The following MAGI2 variants were observed in gnomAD, a reference collection of about 807,000 sequenced individuals.
The protein encoded by MAGI2 is membrane associated guanylate kinase, WW and PDZ domain containing 2, also known as membrane-associated guanylate kinase, WW and PDZ domain-containing protein 2.
MAGI2 carries 35 observed loss-of-function variants against 133.3 expected under a neutral mutation model. The ratio of observed to expected loss-of-function variants is 0.26; its 90% CI spans 0.20 to 0.35. MAGI2 has a LOEUF of 0.35. MAGI2 is among the 10% of genes least tolerant of loss of function. The pLI, the probability that MAGI2 is intolerant of heterozygous loss-of-function variation, is 1.00. For synonymous variants in MAGI2, 729 were observed against 710.6 expected (o/e 1.03, Z -0.41); for missense variants, 1,636 against 1,863.4 (o/e 0.88, Z 2.25).
At chr7:78,647,938 T>A (rs1470375194) in intron 2 of MAGI2, among the ~76,000 whole-genome samples, 1 of 151,490 alleles carries the variant, frequency 6.6e-6, no homozygotes, top group Non-Finnish European at 1.5e-5. Context: ...CAAGTGGGAG[T>A]TGAACAATGA....
intron 11 of MAGI2, among the ~76,000 whole-genome samples, chr7:78,196,872 T>G (rs927603136): frequency 6.6e-6 from 1 of 152,238 alleles, no homozygotes. Context: ...TCTAGTTCAA[T>G]TTCCTCCTGT....
At chr7:79,166,960 T>C (rs1824985105) in intron 1 of MAGI2, among the ~76,000 whole-genome samples, 1 of 152,034 alleles carries the variant, frequency 6.6e-6, no homozygotes, top group Non-Finnish European at 1.5e-5. Context: ...TTTTTTTGAA[T>C]CTCAGAGTCC....
intron 2 of MAGI2, among the ~76,000 whole-genome samples, chr7:78,756,484 T>C (rs1183344341): frequency 6.6e-6 from 1 of 152,170 alleles, no homozygotes; most frequent in African/African-American, 2.4e-5. Context: ...AACAGCAGCA[T>C]TTGCCATTTT....
chr7:78,395,375 C>T (rs1796249079), intron 6 of MAGI2, among the ~76,000 whole-genome samples: 1 of 152,148 alleles, frequency 6.6e-6, no homozygotes, highest in Non-Finnish European at 1.5e-5. Flanking sequence ...AGCTGTAGCT[C>T]ATGGTTACTG....
intron 1 of MAGI2, among the ~76,000 whole-genome samples, chr7:79,324,493 T>C (rs10252912): frequency 5.3e-5 from 5 of 95,050 alleles, no homozygotes; most frequent in African/African-American, 2.8e-4. Context: ...TACATATATA[T>C]ACATATATAC....
chr7:79,293,287 C>A (rs151196736), intron 1 of MAGI2, among the ~76,000 whole-genome samples: 1 of 152,172 alleles, frequency 6.6e-6, no homozygotes, highest in African/African-American at 2.4e-5. Flanking sequence ...AATCTTTATT[C>A]CCTTCTTTCA....
At chr7:78,474,583 C>T (rs1192268915) in intron 6 of MAGI2, among the ~76,000 whole-genome samples, 2 of 151,780 alleles carry the variant, frequency 1.3e-5, no homozygotes, top group South Asian at 2.1e-4. Flanking sequence ...TTAAATAAAC[C>T]TCAAACAAGC....
At chr7:78,434,299 A>G (rs1010309208) in intron 6 of MAGI2, among the ~76,000 whole-genome samples, 5 of 152,208 alleles carry the variant, frequency 3.3e-5, no homozygotes, top group African/African-American at 7.2e-5. Flanking sequence ...AAAGGTCTTT[A>G]TGGAGGAAAA....
At chr7:79,297,119 C>G (rs1464451817) in intron 1 of MAGI2, among the ~76,000 whole-genome samples, 1 of 152,160 alleles carries the variant, frequency 6.6e-6, no homozygotes, top group South Asian at 2.1e-4. Context: ...GAAGAGCAAT[C>G]AAGTTTGCAC....
chr7:78,955,721 T>TTCTC (rs1298892022), intron 2 of MAGI2, among the ~76,000 whole-genome samples: 31 of 100,208 alleles, frequency 3.1e-4, no homozygotes, highest in Non-Finnish European at 4.2e-4. Context: ...TTTTCTTTCT[T>TTCTC]TCTCTTTCTT....
At chr7:79,262,685 T>A (rs1834170837) in intron 1 of MAGI2, among the ~76,000 whole-genome samples, 1 of 152,194 alleles carries the variant, frequency 6.6e-6, no homozygotes, top group African/African-American at 2.4e-5. Context: ...ACGTAAAGGA[T>A]ATGACTGACC....
At chr7:78,689,288 C>T (rs759981088) in intron 2 of MAGI2, among the ~76,000 whole-genome samples, 5 of 152,048 alleles carry the variant, frequency 3.3e-5, no homozygotes, top group South Asian at 2.1e-4. Flanking sequence ...AATAATTCCA[C>T]GATATATGTT....
At position 79,175,883 on chromosome 7, in the gene MAGI2, A is replaced by G. The variant is rs753277690; in HGVS notation, c.302-168677T>C. Among the ~76,000 whole-genome samples, 8 of 152,128 alleles carry G rather than the reference A, an allele frequency of 5.3e-5. No homozygotes were observed. The East Asian group carries it at 1.4e-3, about 26-fold the overall frequency. On this transcript the variant is annotated intron_variant, in intron 1 of 21. Coordinates refer to ENST00000354212, the MANE Select transcript of MAGI2 (RefSeq NM_012301.4). ...TCATGCAGCACATGACTGTACAATTAAGCATTTCCCTAGTCATTTTGTTTT... is the reference window on the plus strand; with the variant it reads ...TCATGCAGCACATGACTGTACAATTGAGCATTTCCCTAGTCATTTTGTTTT...
chr7:78,840,120 AAAGTAT>A (rs1259523322), intron 2 of MAGI2, among the ~76,000 whole-genome samples: 1 of 152,034 alleles, frequency 6.6e-6, no homozygotes, highest in Non-Finnish European at 1.5e-5. Flanking sequence ...CTTATAGCAT[AAAGTAT>A]ACATTATCAA....
At chr7:78,871,798 A>G (rs1795047898) in intron 2 of MAGI2, among the ~76,000 whole-genome samples, 1 of 152,116 alleles carries the variant, frequency 6.6e-6, no homozygotes. Context: ...ACTCTTTAAG[A>G]GTTTCATAAT....
chr7:79,345,540 A>G (rs1194243496), intron 1 of MAGI2, among the ~76,000 whole-genome samples: 2 of 152,122 alleles, frequency 1.3e-5, no homozygotes, highest in African/African-American at 2.4e-5. Flanking sequence ...CCAGGAAGAC[A>G]CCAAGTCTTA....
intron 3 of MAGI2, among the ~76,000 whole-genome samples, chr7:78,540,714 C>A (rs1798342509): frequency 6.6e-6 from 1 of 152,148 alleles, no homozygotes; most frequent in African/African-American, 2.4e-5. Context: ...CCTAAGGAAC[C>A]CTGAGAGATA....
intron 10 of MAGI2, among the ~76,000 whole-genome samples, chr7:78,216,128 A>C (rs756215294): frequency 7.2e-4 from 110 of 152,260 alleles, no homozygotes; most frequent in Non-Finnish European, 1.3e-3. Context: ...TCATGTTTTA[A>C]GGAAATATCA....
At chr7:78,449,664 G>A (rs1448139631) in intron 6 of MAGI2, among the ~76,000 whole-genome samples, 1 of 151,984 alleles carries the variant, frequency 6.6e-6, no homozygotes, top group African/African-American at 2.4e-5. Flanking sequence ...CTGAACGCGT[G>A]TGGCTTCAAA....
Sources: allele counts gnomAD v4.1 joint callset (sites outside exome capture counted in the v4.1 genomes callset), GRCh38; gene constraint gnomAD v4.1.1; transcripts MANE v1.5; gene names NCBI Gene and HGNC (gene_info 2026-07-23, HGNC 2026-07-21).